Variants in CMSS1 observed in about 807,000 individuals in gnomAD.
The protein encoded by CMSS1 is protein CMSS1.
CMSS1 carries 33 observed loss-of-function variants against 43.5 expected under a neutral mutation model. That is an observed-to-expected ratio of 0.76 (90% CI 0.57 to 1.01). The LOEUF (loss-of-function observed/expected upper bound fraction) is 1.01. Ranked by LOEUF, CMSS1 falls within the 50% of genes least tolerant of loss-of-function variation. The probability of loss-of-function intolerance (pLI) is 0.00; values close to 1 mark genes in which losing one functional copy is unlikely to be tolerated. For missense variants in CMSS1, 313 were observed against 326.4 expected (o/e 0.96, Z 0.32); for synonymous variants, 115 against 117.2 (o/e 0.98, Z 0.12).
At chr3:100,037,965 AGG>A (rs1211982681) in intron 1 of CMSS1, among the ~76,000 whole-genome samples, 1 of 100,504 alleles carries the variant, frequency 9.9e-6, no homozygotes, top group Non-Finnish European at 1.9e-5. Context: ...TTGGGGGGGG[AGG>A]GAACAGAGTC....
chr3:99,930,647 C>G, intron 1 of CMSS1: 4 of 1,033,574 alleles, frequency 3.9e-6, no homozygotes, highest in Non-Finnish European at 5.6e-6. Context: ...TATACTTATG[C>G]TTTGCTTTCA....
At chr3:100,002,407 C>A (rs144484360) in intron 1 of CMSS1, among the ~76,000 whole-genome samples, 2 of 152,258 alleles carry the variant, frequency 1.3e-5, no homozygotes, top group African/African-American at 4.8e-5. Flanking sequence ...ACTGGAGTAT[C>A]TCTATAATCT....
chr3:99,920,763 T>C (rs975363781), intron 1 of CMSS1, among the ~76,000 whole-genome samples: 1 of 152,188 alleles, frequency 6.6e-6, no homozygotes, highest in Non-Finnish European at 1.5e-5. Context: ...ATCAGTCTCC[T>C]TTAGGGTTTT....
chr3:99,849,171 G>C, intron 1 of CMSS1: 2 of 1,614,072 alleles, frequency 1.2e-6, no homozygotes, highest in Non-Finnish European at 1.7e-6. Context: ...TAGGGTCCTC[G>C]TCTTGATTCT....
chr3:100,143,451 T>C (rs2066820722), intron 1 of CMSS1, among the ~76,000 whole-genome samples: 2 of 152,228 alleles, frequency 1.3e-5, no homozygotes, highest in South Asian at 2.1e-4. Flanking sequence ...AATTTGTTAA[T>C]GTTTTATGGC....
intron 1 of CMSS1, chr3:100,040,400 A>T (rs2065185061): frequency 6.6e-6 from 1 of 152,216 alleles, no homozygotes; most frequent in Non-Finnish European, 1.5e-5. Context: ...GTTCCAGATA[A>T]TAGCATTCCA....
chr3:100,079,932 A>G (rs1402096195), intron 1 of CMSS1, among the ~76,000 whole-genome samples: 1 of 152,142 alleles, frequency 6.6e-6, no homozygotes, highest in African/African-American at 2.4e-5. Context: ...ATATATGGGT[A>G]ATGTCATCTC....
intron 1 of CMSS1, among the ~76,000 whole-genome samples, chr3:100,080,790 A>G (rs557697468): frequency 6.6e-6 from 1 of 152,194 alleles, no homozygotes; most frequent in Non-Finnish European, 1.5e-5. Context: ...ATGTTTCACC[A>G]GTCAGTTATT....
chr3:100,122,972 T>C (rs1039661328), intron 1 of CMSS1, among the ~76,000 whole-genome samples: 4 of 152,254 alleles, frequency 2.6e-5, no homozygotes, highest in African/African-American at 9.6e-5. Context: ...ATTTATTACA[T>C]GTCCACTATG....
intron 1 of CMSS1, among the ~76,000 whole-genome samples, chr3:99,835,269 G>A (rs1443807917): frequency 6.6e-6 from 1 of 152,138 alleles, no homozygotes; most frequent in Non-Finnish European, 1.5e-5. Context: ...TCCTCCTTAT[G>A]CTACTTTGTC....
intron 1 of CMSS1, among the ~76,000 whole-genome samples, chr3:100,015,057 G>A (rs1710300636): frequency 6.6e-6 from 1 of 150,868 alleles, no homozygotes; most frequent in African/African-American, 2.4e-5. Flanking sequence ...TCTATCTTGA[G>A]TTGAATTTTG....
intron 1 of CMSS1, among the ~76,000 whole-genome samples, chr3:99,903,800 T>C (rs748234013): frequency 8.5e-5 from 13 of 152,154 alleles, no homozygotes; most frequent in Non-Finnish European, 1.6e-4. Context: ...CTAAGATGCT[T>C]CATATAGAAA....
chr3:100,010,995 A>G (rs1710137676), intron 1 of CMSS1, among the ~76,000 whole-genome samples: 1 of 152,066 alleles, frequency 6.6e-6, no homozygotes, highest in Non-Finnish European at 1.5e-5. Context: ...GTTATTTAAC[A>G]GAAGAAATAG....
chr3:99,986,900 G>C (rs1709357534), intron 1 of CMSS1, among the ~76,000 whole-genome samples: 1 of 152,192 alleles, frequency 6.6e-6, no homozygotes, highest in Non-Finnish European at 1.5e-5. Context: ...CCCTGATCTA[G>C]TTAGGAGGAC....
At chr3:99,888,519 C>T (rs2107611410) in intron 1 of CMSS1, among the ~76,000 whole-genome samples, 1 of 152,234 alleles carries the variant, frequency 6.6e-6, no homozygotes, top group African/African-American at 2.4e-5. Context: ...ACAAAAGCAC[C>T]CCTGAATATT....
intron 1 of CMSS1, among the ~76,000 whole-genome samples, chr3:100,104,712 C>G (rs2066365832): frequency 1.3e-5 from 2 of 152,178 alleles, no homozygotes; most frequent in South Asian, 4.1e-4. Flanking sequence ...GTGATTTGCA[C>G]TGATGTTCTC....
chr3:100,008,429 A>G (rs527387817), intron 1 of CMSS1, among the ~76,000 whole-genome samples: 17 of 152,312 alleles, frequency 1.1e-4, no homozygotes, highest in African/African-American at 2.4e-4. Context: ...TACCCTTCAT[A>G]TAAGTGTTAC....
chr3:99,856,655 G>T lies in CMSS1; in HGVS notation c.64+38612G>T, dbSNP rs112586779. Among the ~76,000 whole-genome samples the T allele has an allele frequency of 7.3e-3, 1,105 of 152,248 alleles. 19 individuals are homozygous for T. Among genetic ancestry groups the T allele is most frequent in the African/African-American group, 0.025 (1,018 of 41,548 alleles). ...ATCACTATTATTATGTACAATACCA[G>T]TTCCTTATTTTTTCAAAAACATCAC... On this transcript the variant is annotated intron_variant, in intron 1 of 9. Coordinates refer to ENST00000421999, the MANE Select transcript of CMSS1 (RefSeq NM_032359.4).
At chr3:100,023,741 G>A (rs16841886) in intron 1 of CMSS1, among the ~76,000 whole-genome samples, 2,072 of 152,048 alleles carry the variant, frequency 0.014, 59 homozygotes, top group African/African-American at 0.046. Flanking sequence ...GCCTGGTCTC[G>A]CCATTGCAAA....
Sources: gnomAD v4.1 joint callset for allele counts (sites outside exome capture counted in the v4.1 genomes callset) on GRCh38, gnomAD v4.1.1 for gene constraint, MANE v1.5 for transcripts, NCBI Gene and HGNC (gene_info 2026-07-23, HGNC 2026-07-21) for gene names.